LRRIQ1: variants seen among roughly 807,000 people sequenced by gnomAD.
The protein encoded by LRRIQ1 is leucine-rich repeat- and IQ domain-containing protein 1.
Under a neutral mutation model 211.9 loss-of-function variants are expected in LRRIQ1, and 210 were observed. That is an observed-to-expected ratio of 0.99 (90% CI 0.89 to 1.11). The LOEUF (loss-of-function observed/expected upper bound fraction) is 1.11, where lower values mean the gene tolerates loss of function less well. LRRIQ1 is among the 50% of genes most tolerant of loss of function. The pLI is 0.00. For missense variants in LRRIQ1, 2,136 were observed against 1,939.5 expected (o/e 1.10, Z -1.90); for synonymous variants, 699 against 650.1 (o/e 1.08, Z -1.14).
intron 7 of LRRIQ1, among the ~76,000 whole-genome samples, chr12:85,052,740 C>A (rs1042334215): frequency 6.6e-6 from 1 of 151,708 alleles, no homozygotes; most frequent in Non-Finnish European, 1.5e-5. Flanking sequence ...TTTTGTATTC[C>A]TTTCAAATCT....
intron 24 of LRRIQ1, among the ~76,000 whole-genome samples, chr12:85,220,545 T>C (rs1894347772): frequency 6.6e-6 from 1 of 151,736 alleles, no homozygotes; most frequent in Non-Finnish European, 1.5e-5. Context: ...TCCTCTATGA[T>C]TGAGTATATT....
chr12:85,050,838 T>C (rs1349865372), intron 6 of LRRIQ1, among the ~76,000 whole-genome samples: 1 of 152,216 alleles, frequency 6.6e-6, no homozygotes, highest in African/African-American at 2.4e-5. Flanking sequence ...AAAGAACTTT[T>C]CCCACTTTTT....
In LRRIQ1 at chr12:85,102,956, AAAAAT is replaced by A. The variant is rs1360453633; in HGVS notation, c.3210-1046_3210-1042del. ...TTTCTAATTGTGGCAAAAAAAAAAA[AAAAAT>A]ATATATATATATATATATATATATA... On this transcript the variant is annotated intron_variant, in intron 13 of 26. Coordinates refer to ENST00000393217, the MANE Select transcript of LRRIQ1 (RefSeq NM_001079910.2). Among the ~76,000 whole-genome samples the A allele has an allele frequency of 1.7e-3, 212 of 123,384 alleles. 1 individual carries two copies. The highest frequency in any genetic ancestry group is 5.0e-3 in the African/African-American group (164 of 32,638). 80.9% of individuals were successfully genotyped at this position (123,384 alleles called of 152,430 possible).
intron 24 of LRRIQ1, among the ~76,000 whole-genome samples, chr12:85,210,544 T>A (rs1234319962): frequency 6.6e-6 from 1 of 152,148 alleles, no homozygotes; most frequent in Non-Finnish European, 1.5e-5. Context: ...CAAGAGAAAA[T>A]TTTTACAAAT....
At chr12:85,207,196 C>T (rs1893603647) in intron 24 of LRRIQ1, among the ~76,000 whole-genome samples, 1 of 152,072 alleles carries the variant, frequency 6.6e-6, no homozygotes, top group African/African-American at 2.4e-5. Context: ...TACACAGTAG[C>T]CTTGTGCAGA....
intron 24 of LRRIQ1, among the ~76,000 whole-genome samples, chr12:85,167,996 A>T (rs559165821): frequency 6.6e-6 from 1 of 152,314 alleles, no homozygotes; most frequent in East Asian, 1.9e-4. Flanking sequence ...TTTATGGCAC[A>T]TTATAAAGGA....
chr12:85,269,264 G>A (rs1022167378), downstream of LRRIQ1, among the ~76,000 whole-genome samples: 1 of 151,858 alleles, frequency 6.6e-6, no homozygotes, highest in Non-Finnish European at 1.5e-5. Context: ...ATCTCTAGGT[G>A]GAAAACTGCT....
At chr12:85,071,746 T>A (rs1883107494) in intron 10 of LRRIQ1, among the ~76,000 whole-genome samples, 1 of 152,028 alleles carries the variant, frequency 6.6e-6, no homozygotes, top group Non-Finnish European at 1.5e-5. Flanking sequence ...AGCAAAGGGA[T>A]GTCTTACATG....
At chr12:85,073,844 G>C (rs1200172935) in intron 11 of LRRIQ1, among the ~76,000 whole-genome samples, 2 of 152,004 alleles carry the variant, frequency 1.3e-5, no homozygotes, top group Admixed American at 6.6e-5. Context: ...GATTCTGGTT[G>C]AGCTAAGTGA....
intron 24 of LRRIQ1, among the ~76,000 whole-genome samples, chr12:85,182,963 G>A (rs527992807): frequency 8.5e-5 from 13 of 152,204 alleles, no homozygotes; most frequent in Admixed American, 3.3e-4. Context: ...TCACAACCGC[G>A]GCCTCTGAAA....
At chr12:85,262,347 A>G (rs1431446145) in intron 1 of LRRIQ1, among the ~76,000 whole-genome samples, 1 of 152,088 alleles carries the variant, frequency 6.6e-6, no homozygotes, top group Non-Finnish European at 1.5e-5. Context: ...CTCATTTATA[A>G]AACTGATACT....
In LRRIQ1 at chr12:85,098,543, A is replaced by G; in HGVS notation, c.3076A>G (p.Ser1026Gly). Reference sequence around the variant, plus strand: ...ATTGAAGTTACAGGGAAATTATCTGAGTGAGGTAATTGCTTTGAATTAATT... The same window carrying G: ...ATTGAAGTTACAGGGAAATTATCTGGGTGAGGTAATTGCTTTGAATTAATT... ...QILKLQGNYL[S>G]ELPSLENLVL... Residue 1026 changes from serine to glycine, a missense_variant, in exon 12 of 27, where the codon AGT (serine) becomes GGT (glycine). By Grantham distance (56) the Ser-to-Gly change is moderately conservative. Coordinates refer to ENST00000393217, the MANE Select transcript of LRRIQ1 (RefSeq NM_001079910.2). The G allele has an allele frequency of 1.9e-6, 3 of 1,605,844 alleles. No individual in the cohort carries two copies. Among genetic ancestry groups the G allele is most frequent in the Non-Finnish European group, 2.6e-6 (3 of 1,175,916 alleles).
chr12:85,116,420 A>G (rs911072205), intron 15 of LRRIQ1, among the ~76,000 whole-genome samples: 1 of 152,186 alleles, frequency 6.6e-6, no homozygotes, highest in Non-Finnish European at 1.5e-5. Flanking sequence ...CTGGGATTAC[A>G]GGCGTGAGCC....
At chr12:85,129,931 A>G (rs1446638157) in intron 18 of LRRIQ1, among the ~76,000 whole-genome samples, 3 of 152,194 alleles carry the variant, frequency 2.0e-5, no homozygotes, top group East Asian at 1.9e-4. Context: ...CCCGAGTATC[A>G]GCAGCGGAGG....
At chr12:85,258,396 T>C (rs1410621912) in intron 1 of LRRIQ1, among the ~76,000 whole-genome samples, 1 of 151,904 alleles carries the variant, frequency 6.6e-6, no homozygotes, top group Non-Finnish European at 1.5e-5. Context: ...AAAATACTTT[T>C]ATTCACTGAA....
In LRRIQ1 at chr12:85,109,201, T is replaced by C. The variant is rs550638875; in HGVS notation, c.3377+2586T>C. Among the ~76,000 whole-genome samples the C allele has an allele frequency of 2.6e-5, 4 of 152,278 alleles. No homozygotes were observed. The South Asian group carries it at 8.3e-4, about 32-fold the overall frequency. On this transcript the variant is annotated intron_variant, in intron 15 of 26. Coordinates refer to ENST00000393217, the MANE Select transcript of LRRIQ1 (RefSeq NM_001079910.2). ...GAACAAGCTATTAGAGTCTGGGGAA[T>C]AGTCTGTCTTCCCACTCTTGTCTGA...
At chr12:85,176,582 G>A (rs200827963) in intron 24 of LRRIQ1, among the ~76,000 whole-genome samples, 2 of 129,930 alleles carry the variant, frequency 1.5e-5, no homozygotes, top group Admixed American at 8.6e-5. Flanking sequence ...TCACACTCTC[G>A]GGACTGTTGT....
intron 24 of LRRIQ1, among the ~76,000 whole-genome samples, chr12:85,183,323 G>GT (rs1477652538): frequency 6.6e-6 from 1 of 151,876 alleles, no homozygotes; most frequent in Non-Finnish European, 1.5e-5. Context: ...TTTTTGAAGT[G>GT]TTTTTTCCAG....
At chr12:85,191,414 G>T (rs1400168466) in intron 24 of LRRIQ1, among the ~76,000 whole-genome samples, 4 of 151,902 alleles carry the variant, frequency 2.6e-5, no homozygotes, top group Non-Finnish European at 5.9e-5. Context: ...TTGGAATCAT[G>T]TGGTATATAG....
Sources: gnomAD v4.1 joint callset for allele counts (sites outside exome capture counted in the v4.1 genomes callset) on GRCh38, gnomAD v4.1.1 for gene constraint, MANE v1.5 for transcripts, NCBI Gene and HGNC (gene_info 2026-07-23, HGNC 2026-07-21) for gene names.